The following NPAS3 variants were observed in gnomAD, a reference collection of about 807,000 sequenced individuals.
The protein encoded by NPAS3 is neuronal PAS domain-containing protein 3.
NPAS3 carries 14 observed loss-of-function variants against 73.1 expected under a neutral mutation model. That is an observed-to-expected ratio of 0.19 (90% CI 0.13 to 0.30). The LOEUF is 0.30. Among genes scored for constraint, NPAS3 ranks in the 10% least tolerant of loss-of-function variants. The pLI is 1.00. For synonymous variants in NPAS3, 620 were observed against 541.5 expected, an observed-to-expected ratio of 1.14 and a Z score of -2.01; for missense variants, 1,096 against 1,250.0, an observed-to-expected ratio of 0.88 and a Z score of 1.86.
At chr14:33,168,887 G>A (rs910682550) in intron 2 of NPAS3, among the ~76,000 whole-genome samples, 16 of 152,194 alleles carry the variant, frequency 1.1e-4, no homozygotes, top group Admixed American at 5.9e-4. Flanking sequence ...GAGGATTTTG[G>A]TAAATTCTTG....
chr14:33,501,524 A>G (rs1183625856), intron 4 of NPAS3, among the ~76,000 whole-genome samples: 2 of 151,854 alleles, frequency 1.3e-5, no homozygotes, highest in Non-Finnish European at 2.9e-5. Flanking sequence ...ACATGTTGCA[A>G]CCTTCCTGTT....
At chr14:33,746,171 T>TTTTATTTTATTTATTTATTTATTTA (rs1555326907) in intron 7 of NPAS3, among the ~76,000 whole-genome samples, 26 of 144,456 alleles carry the variant, frequency 1.8e-4, no homozygotes, top group African/African-American at 6.6e-4. Flanking sequence ...TTTTATTTTA[T>TTTTATTTTATTTATTTATTTATTTA]TTTATTTATT....
At chr14:33,349,953 C>T (rs188350809) in intron 3 of NPAS3, among the ~76,000 whole-genome samples, 8 of 152,322 alleles carry the variant, frequency 5.3e-5, no homozygotes, top group East Asian at 3.9e-4. Context: ...TCTCACACTC[C>T]GCGTCCTCTG....
chr14:33,037,481 CA>C (rs11341910), intron 1 of NPAS3, among the ~76,000 whole-genome samples: 15,126 of 96,774 alleles, frequency 0.16, 1,321 homozygotes, highest in African/African-American at 0.34. Flanking sequence ...CCCATCTCAG[CA>C]AAAAAAAAAA....
At chr14:33,109,959 T>G (rs1422129702) in intron 2 of NPAS3, among the ~76,000 whole-genome samples, 4 of 151,558 alleles carry the variant, frequency 2.6e-5, no homozygotes, top group African/African-American at 9.7e-5. Flanking sequence ...GATGCCAATT[T>G]TAATATTTAT....
chr14:33,131,159 A>G (rs1425466458), intron 2 of NPAS3, among the ~76,000 whole-genome samples: 2 of 152,088 alleles, frequency 1.3e-5, no homozygotes, highest in African/African-American at 4.8e-5. Context: ...GTAAGTAACA[A>G]AGACACTTTT....
At chr14:33,780,666 A>G in intron 9 of NPAS3, 1 of 453,872 alleles carries the variant, frequency 2.2e-6, no homozygotes, top group Non-Finnish European at 4.4e-6. Flanking sequence ...ACAGTGAGCG[A>G]GGGCAGTTCA....
chr14:33,392,876 T>C (rs1266605504), intron 4 of NPAS3, among the ~76,000 whole-genome samples: 1 of 152,126 alleles, frequency 6.6e-6, no homozygotes, highest in African/African-American at 2.4e-5. Flanking sequence ...ATTCATAAAA[T>C]GTGAACTTGG....
At position 33,704,725 on chromosome 14, in the gene NPAS3, G is replaced by A. The variant is rs144910344; in HGVS notation, c.733+28340G>A. Among the ~76,000 whole-genome samples the A allele has an allele frequency of 2.1e-3, 321 of 152,308 alleles. 1 individual carries two copies. The highest frequency in any genetic ancestry group is 3.6e-3 in the Non-Finnish European group (247 of 68,028). On this transcript the variant is annotated intron_variant, in intron 6 of 11. Coordinates refer to ENST00000356141, the Ensembl canonical transcript of NPAS3. ...CAAACAAAGTTTTAATAGGTCAAGAGCAGAGTAACTGCTCACATTAACAAG... is the reference window on the plus strand; with the variant it reads ...CAAACAAAGTTTTAATAGGTCAAGAACAGAGTAACTGCTCACATTAACAAG...
At chr14:33,014,755 A>G (rs2139668485) in intron 1 of NPAS3, among the ~76,000 whole-genome samples, 1 of 152,366 alleles carries the variant, frequency 6.6e-6, no homozygotes, top group African/African-American at 2.4e-5. Flanking sequence ...AGAAAAGAAC[A>G]CCAGCGGGAA....
chr14:33,275,803 T>C (rs1373140315), intron 3 of NPAS3, among the ~76,000 whole-genome samples: 1 of 152,220 alleles, frequency 6.6e-6, no homozygotes, highest in Non-Finnish European at 1.5e-5. Flanking sequence ...ATTTGATCTG[T>C]TTCAGCAAAG....
chr14:33,487,216 T>C (rs2051652685), intron 4 of NPAS3, among the ~76,000 whole-genome samples: 1 of 152,248 alleles, frequency 6.6e-6, no homozygotes, highest in African/African-American at 2.4e-5. Context: ...GCATAGCAGA[T>C]ATTATTTTGT....
chr14:33,439,633 A>T (rs1475487354), intron 4 of NPAS3, among the ~76,000 whole-genome samples: 1 of 152,254 alleles, frequency 6.6e-6, no homozygotes. Flanking sequence ...TGAAACATTT[A>T]AAAATGATAA....
intron 3 of NPAS3, among the ~76,000 whole-genome samples, chr14:33,243,078 G>T (rs10140381): frequency 6.6e-6 from 1 of 151,834 alleles, no homozygotes; most frequent in African/African-American, 2.4e-5. Flanking sequence ...CTCCATATGC[G>T]TGCAAGTTAC....
chr14:33,063,860 T>C (rs2041191341), intron 2 of NPAS3, among the ~76,000 whole-genome samples: 2 of 152,208 alleles, frequency 1.3e-5, no homozygotes, highest in Non-Finnish European at 2.9e-5. Flanking sequence ...TAACTTACTA[T>C]AGAACTGTTA....
At chr14:32,992,965 G>A (rs540230708) in intron 1 of NPAS3, among the ~76,000 whole-genome samples, 5 of 152,150 alleles carry the variant, frequency 3.3e-5, no homozygotes, top group Non-Finnish European at 7.4e-5. Flanking sequence ...GACCAGACTG[G>A]CCAACATGGT....
chr14:33,433,918 T>C (rs2048877694), intron 4 of NPAS3, among the ~76,000 whole-genome samples: 1 of 152,224 alleles, frequency 6.6e-6, no homozygotes, highest in South Asian at 2.1e-4. Context: ...AGGCCGGGCA[T>C]GGTGGCTCAC....
intron 5 of NPAS3, among the ~76,000 whole-genome samples, chr14:33,673,204 G>T (rs2059661075): frequency 6.6e-6 from 1 of 152,216 alleles, no homozygotes; most frequent in Non-Finnish European, 1.5e-5. Context: ...GAACTCAGAG[G>T]TCTCTGCTTA....
chr14:33,114,255 C>G (rs2042988952), intron 2 of NPAS3, among the ~76,000 whole-genome samples: 1 of 152,080 alleles, frequency 6.6e-6, no homozygotes, highest in South Asian at 2.1e-4. Context: ...AGGTTGGTGT[C>G]AAACTCCTGG....
Sources: allele counts gnomAD v4.1 joint callset (sites outside exome capture counted in the v4.1 genomes callset), GRCh38; gene constraint gnomAD v4.1.1; transcripts MANE v1.5; gene names NCBI Gene and HGNC (gene_info 2026-07-23, HGNC 2026-07-21).